The following CPLANE1 variants were observed in gnomAD, a reference collection of about 807,000 sequenced individuals.
CPLANE1 encodes the protein ciliogenesis and planar polarity effector 1.
A neutral mutation model predicts 362.5 loss-of-function variants in CPLANE1; 263 were observed. That is an observed-to-expected ratio of 0.73 (90% CI 0.66 to 0.80). The LOEUF (loss-of-function observed/expected upper bound fraction) is 0.80, where lower values mean the gene tolerates loss of function less well. Among genes scored for constraint, CPLANE1 ranks in the 30% least tolerant of loss-of-function variants. CPLANE1 has a pLI of 0.00. For missense variants in CPLANE1, 3,461 were observed against 3,793.4 expected (o/e 0.91, Z 2.30); for synonymous variants, 1,212 against 1,302.6 (o/e 0.93, Z 1.50).
chr5:37,241,075 G>A (rs1336588531), intron 6 of CPLANE1, among the ~76,000 whole-genome samples: 2 of 151,968 alleles, frequency 1.3e-5, no homozygotes, highest in Admixed American at 6.6e-5. Flanking sequence ...GGCAGAGGTT[G>A]CAGTGAGCCG....
chr5:37,200,723 T>TA (rs1282667033), intron 19 of CPLANE1, among the ~76,000 whole-genome samples: 1 of 151,996 alleles, frequency 6.6e-6, no homozygotes, highest in African/African-American at 2.4e-5. Flanking sequence ...TAAGAGCAGA[T>TA]AAAAAGTTTC....
rs890543680 is a variant in CPLANE1, at chr5:37,209,359, G to A, written c.2921-2934C>T. ...GAGGCGGGCTCCGGAGGAAGCTGAC[G>A]GCTGATGATGGCTCAGTCCAACATG... On this transcript the variant is annotated intron_variant, in intron 16 of 52. Transcript: ENST00000651892. The surrounding 1 kb of genome is among the most constrained non-coding windows in gnomAD (Gnocchi z 4.6). 28 of 1,009,578 alleles carry A rather than the reference G, an allele frequency of 2.8e-5. No homozygotes were observed. The highest frequency in any genetic ancestry group is 4.7e-5 in the African/African-American group (3 of 63,272). The allele number at this position is 1,009,578 out of a possible 1,614,324, so 62.5% of individuals were successfully genotyped here.
intron 34 of CPLANE1, among the ~76,000 whole-genome samples, chr5:37,168,235 A>AT (rs1778829754): frequency 6.6e-6 from 1 of 152,140 alleles, no homozygotes; most frequent in African/African-American, 2.4e-5. Context: ...TTCTGGGTCT[A>AT]TTTAACAAAT....
intron 15 of CPLANE1, among the ~76,000 whole-genome samples, chr5:37,216,084 G>A (rs1276483832): frequency 4.6e-5 from 7 of 151,982 alleles, no homozygotes; most frequent in African/African-American, 1.2e-4. Flanking sequence ...TAATCGGTCC[G>A]CCTCAGCCTC....
chr5:37,127,652 G>A (rs1315941643), intron 46 of CPLANE1, among the ~76,000 whole-genome samples: 7 of 150,838 alleles, frequency 4.6e-5, no homozygotes, highest in South Asian at 4.2e-4. Flanking sequence ...CCGAGTAGCT[G>A]AGATTACAGG....
the CPLANE1 span, among the ~76,000 whole-genome samples, chr5:37,097,053 A>G: frequency 6.6e-6 from 1 of 152,184 alleles, no homozygotes; most frequent in African/African-American, 2.4e-5. Flanking sequence ...GGGATCACTT[A>G]AGCATAAAAA....
intron 16 of CPLANE1, chr5:37,210,532 A>C: frequency 2.1e-6 from 3 of 1,441,806 alleles, no homozygotes; most frequent in Non-Finnish European, 2.9e-6. Context: ...ATAGCTTTTA[A>C]TTCAAAAAAG....
chr5:37,088,570 T>A, the CPLANE1 span, among the ~76,000 whole-genome samples: 1 of 152,142 alleles, frequency 6.6e-6, no homozygotes, highest in Non-Finnish European at 1.5e-5. Flanking sequence ...ATGTGTAAAT[T>A]TGATAAAAAC....
At chr5:37,104,070 CTCTTT>C (rs1757424737), downstream of CPLANE1, among the ~76,000 whole-genome samples, 1 of 152,132 alleles carries the variant, frequency 6.6e-6, no homozygotes, top group African/African-American at 2.4e-5. Flanking sequence ...CCTTTTCATT[CTCTTT>C]TCTTTATTTT....
intron 23 of CPLANE1, among the ~76,000 whole-genome samples, chr5:37,187,135 G>T (rs1189004184): frequency 7.2e-5 from 10 of 138,162 alleles, no homozygotes; most frequent in African/African-American, 2.8e-4. Context: ...TATTCATCTT[G>T]TAACTGAAAG....
chr5:37,216,674 T>C (rs189459391), intron 15 of CPLANE1, among the ~76,000 whole-genome samples: 3 of 152,288 alleles, frequency 2.0e-5, no homozygotes, highest in Admixed American at 6.5e-5. Context: ...CATGCGTCAT[T>C]CCCACTTGAG....
intron 50 of CPLANE1, among the ~76,000 whole-genome samples, chr5:37,115,758 G>A (rs1367834396): frequency 6.6e-6 from 1 of 151,336 alleles, no homozygotes; most frequent in Non-Finnish European, 1.5e-5. Flanking sequence ...CACCATGCCT[G>A]GCTACTTTTT....
Position 37,184,986 on chromosome 5 carries a change from G to T in CPLANE1, c.4283C>A (p.Ser1428Tyr), listed in dbSNP as rs1418824450. 6.2e-7 allele frequency: 1 copy of T among 1,614,030 alleles called. No homozygotes were observed. The highest frequency in any genetic ancestry group is 1.1e-5 in the South Asian group (1 of 91,080). Reference sequence around the variant, plus strand: ...TGGTTCCCATATATTCACTTCAAAAGAGCCTATATTTCTCTGCACACGTTT... The same window carrying T: ...TGGTTCCCATATATTCACTTCAAAATAGCCTATATTTCTCTGCACACGTTT... ...ALKRVQRNIGSFEVNIWEPIE... is the reference protein window; with the variant it reads ...ALKRVQRNIGYFEVNIWEPIE... The change falls in exon 25 of 53, where the codon TCT becomes TAT. Residue 1428 changes from serine to tyrosine, a missense_variant. By Grantham distance (144) the Ser-to-Tyr change is moderately radical (BLOSUM62 -2). Coordinates refer to ENST00000651892, the MANE Select transcript of CPLANE1 (RefSeq NM_001384732.1).
intron 12 of CPLANE1, 127 bp from the exon 13 acceptor site, chr5:37,224,867 C>A (rs1796101427): frequency 5.8e-6 from 3 of 521,568 alleles, no homozygotes; most frequent in Non-Finnish European, 6.8e-6. Context: ...AAACTGATCA[C>A]ATTTAAATAT....
chr5:37,214,470 C>T (rs1793489350), intron 15 of CPLANE1, among the ~76,000 whole-genome samples: 2 of 151,970 alleles, frequency 1.3e-5, no homozygotes, highest in South Asian at 2.1e-4. Flanking sequence ...GCTAGATAGA[C>T]CCTGACTCAA....
rs147588579 is a variant in CPLANE1 at position 37,183,388 on chromosome 5, G to C, written c.4793C>G (p.Thr1598Arg). The change falls in exon 26 of 53, where the codon ACA (threonine) becomes AGA (arginine). Residue 1598 changes from threonine to arginine, a missense_variant. Around this residue, in one of 2 missense-constraint regions of CPLANE1, gnomAD observed 3,380 missense variants for 3,666.1 expected, o/e 0.92. Coordinates refer to ENST00000651892, the MANE Select transcript of CPLANE1 (RefSeq NM_001384732.1). ...TTTGCTCTGATGTCGTTTTAATGTTGTATGTACATCAAAAAGTAAAGAATT... is the reference window on the plus strand; with the variant it reads ...TTTGCTCTGATGTCGTTTTAATGTTCTATGTACATCAAAAAGTAAAGAATT... ...ELNSLLFDVH[T>R]TLKRHQSKTK... is the part of the protein sequence containing the mutation. 6.2e-7 allele frequency: 1 copy of C among 1,613,196 alleles called. No individual in the cohort carries two copies.
rs1409510097 is a variant in CPLANE1, at chr5:37,122,504, C to T, written c.8959-16G>A. The T allele has an allele frequency of 6.3e-7, 1 of 1,597,150 alleles. No homozygotes were observed. Among genetic ancestry groups the T allele is most frequent in the Admixed American group, 1.7e-5 (1 of 57,760 alleles). On this transcript the variant is annotated splice_polypyrimidine_tract_variant and intron_variant, in intron 47 of 52. Transcript: ENST00000651892. ...TCATGTAAAGCTGCATAAAAAATAC[C>T]CAGTTGGTTCATTATTGTTCAATCC...
In CPLANE1 at chr5:37,239,858, T is replaced by A. The variant is rs913551616; in HGVS notation, c.689A>T (p.Tyr230Phe). ...NVFTSVRSLP[Y>F]HVHWAQQDCH... ...GTCTTGTTGAGCCCAATGAACATGG[T>A]ATGGCAATGATCTAAAAAAGTAATG... Residue 230 changes from tyrosine to phenylalanine, a missense_variant, in exon 7 of 53, where the codon TAC (tyrosine) becomes TTC (phenylalanine). Around this residue, in one of 2 missense-constraint regions of CPLANE1, gnomAD observed 3,380 missense variants for 3,666.1 expected, o/e 0.92. Coordinates refer to ENST00000651892, the MANE Select transcript of CPLANE1 (RefSeq NM_001384732.1). 6.1e-6 allele frequency: 9 copies of A among 1,486,624 alleles called. No homozygotes were observed. Among genetic ancestry groups the A allele is most frequent in the Non-Finnish European group, 8.1e-6 (9 of 1,109,618 alleles). The allele number at this position is 1,486,624 out of a possible 1,614,324, so 92.1% of individuals were successfully genotyped here. A position where few individuals can be genotyped will look rare whatever the true frequency, so the allele number is the denominator to read the frequency against.
rs764899843 is a variant in CPLANE1 at position 37,121,844 on chromosome 5, G to A, written c.9018-60C>T. Reference sequence around the variant, plus strand: ...GTCACTTTCAGTTCATCTATCCAGAGGGAATATAGTGTTTGAAGATCACCT... The same window carrying A: ...GTCACTTTCAGTTCATCTATCCAGAAGGAATATAGTGTTTGAAGATCACCT... On this transcript the variant is annotated intron_variant, in intron 48 of 52. Transcript: ENST00000651892. 4.7e-5 allele frequency: 67 copies of A among 1,416,256 alleles called. 1 individual carries two copies. The highest frequency in any genetic ancestry group is 6.1e-5 in the Non-Finnish European group (62 of 1,020,082). 87.7% of individuals were successfully genotyped at this position (1,416,256 alleles called of 1,614,324 possible). A position where few individuals can be genotyped will look rare whatever the true frequency, so the allele number is the denominator to read the frequency against.
Sources: allele counts gnomAD v4.1 joint callset (sites outside exome capture counted in the v4.1 genomes callset), GRCh38; gene constraint gnomAD v4.1.1; regional missense constraint gnomAD v4.1.1; non-coding constraint Gnocchi (gnomAD v3.1); transcripts MANE v1.5; gene names NCBI Gene and HGNC (gene_info 2026-07-23, HGNC 2026-07-21).